DUSP16: variants seen among roughly 807,000 people sequenced by gnomAD.
The protein encoded by DUSP16 is dual specificity phosphatase 16, also known as dual specificity protein phosphatase 16.
DUSP16 carries 21 observed loss-of-function variants against 58.3 expected under a neutral mutation model. The observed-to-expected ratio is 0.36, with a 90% CI of 0.26 to 0.52. DUSP16 has a LOEUF of 0.52. Among genes scored for constraint, DUSP16 ranks in the 20% least tolerant of loss-of-function variants. The pLI, the probability that DUSP16 is intolerant of heterozygous loss-of-function variation, is 0.94. For synonymous variants in DUSP16, 320 were observed against 323.8 expected (o/e 0.99, Z 0.12); for missense variants, 726 against 819.0 (o/e 0.89, Z 1.39).
intron 3 of DUSP16, among the ~76,000 whole-genome samples, chr12:12,501,818 C>T (rs1252413600): frequency 1.3e-5 from 2 of 151,976 alleles, no homozygotes; most frequent in South Asian, 2.1e-4. Context: ...ATGGTGAAAC[C>T]GTCTCTACTA....
chr12:12,534,952 C>A (rs1944444499), intron 1 of DUSP16, among the ~76,000 whole-genome samples: 1 of 152,208 alleles, frequency 6.6e-6, no homozygotes, highest in South Asian at 2.1e-4. Flanking sequence ...GTTCCAGATA[C>A]TAAGTCAGAC....
At chr12:12,557,942 T>C (rs912569867) in intron 1 of DUSP16, among the ~76,000 whole-genome samples, 3 of 152,282 alleles carry the variant, frequency 2.0e-5, no homozygotes, top group African/African-American at 4.8e-5. Flanking sequence ...TCCATACACA[T>C]GTTAACCAAT....
chr12:12,547,808 T>C (rs930927327), intron 1 of DUSP16, among the ~76,000 whole-genome samples: 2 of 152,190 alleles, frequency 1.3e-5, no homozygotes, highest in Admixed American at 6.6e-5. Flanking sequence ...GTGTAGAAGT[T>C]AGATAATACT....
At chr12:12,498,336 C>T (rs1399258195) in intron 4 of DUSP16, among the ~76,000 whole-genome samples, 5 of 152,026 alleles carry the variant, frequency 3.3e-5, no homozygotes, top group Admixed American at 2.0e-4. Context: ...TCTCCTTCAA[C>T]GCTAAGGTTT....
intron 4 of DUSP16, among the ~76,000 whole-genome samples, chr12:12,489,393 A>C (rs554831388): frequency 6.6e-6 from 1 of 152,326 alleles, no homozygotes; most frequent in East Asian, 1.9e-4. Context: ...TATCTGATCA[A>C]CAACAGGGTG....
At chr12:12,497,804 T>C (rs1204862149) in intron 4 of DUSP16, among the ~76,000 whole-genome samples, 1 of 152,028 alleles carries the variant, frequency 6.6e-6, no homozygotes, top group Non-Finnish European at 1.5e-5. Flanking sequence ...ACCCCGTCTA[T>C]ATTAAAAATA....
At chr12:12,538,585 C>T (rs984732201) in intron 1 of DUSP16, among the ~76,000 whole-genome samples, 20 of 152,182 alleles carry the variant, frequency 1.3e-4, no homozygotes, top group Non-Finnish European at 1.9e-4. Flanking sequence ...AAACACAGAA[C>T]GCAAAATATT....
chr12:12,551,883 G>A (rs111289903), intron 1 of DUSP16, among the ~76,000 whole-genome samples: 2,265 of 151,982 alleles, frequency 0.015, 61 homozygotes, highest in African/African-American at 0.051. Flanking sequence ...TAGTAGAGAC[G>A]GGGTTTCACC....
chr12:12,480,415 T>C, intron 5 of DUSP16, 69 bp from the exon 6 acceptor site: 1 of 1,567,408 alleles, frequency 6.4e-7, no homozygotes, highest in Non-Finnish European at 8.7e-7. Flanking sequence ...TTGTTTCCAT[T>C]TACTTACTCA....
At chr12:12,521,724 C>T (rs909550127) in intron 1 of DUSP16, among the ~76,000 whole-genome samples, 1 of 152,094 alleles carries the variant, frequency 6.6e-6, no homozygotes, top group East Asian at 1.9e-4. Context: ...ATTATAATCA[C>T]CTAGGGCTCA....
intron 1 of DUSP16, among the ~76,000 whole-genome samples, chr12:12,534,313 T>C (rs1944434603): frequency 6.6e-6 from 1 of 152,190 alleles, no homozygotes; most frequent in Admixed American, 6.5e-5. Flanking sequence ...AAGTTAATGA[T>C]ATCAGGAAGC....
rs1944232413 is a variant in DUSP16, at chr12:12,521,269, G to C, written c.-171C>G. ...CATTTTCAGCAAGAGCCCTCCAAGT[G>C]AATGTCTCTTTCTCTTTCCCGTTGA... On this transcript the variant is annotated 5_prime_UTR_variant, in exon 2 of 7. Transcript: ENST00000298573. 6.9e-7 allele frequency: 1 copy of C among 1,443,196 alleles called. No individual in the cohort carries two copies. The allele number at this position is 1,443,196 out of a possible 1,614,324, so 89.4% of individuals were successfully genotyped here.
At chr12:12,561,459 ACG>A (rs1247337756) in intron 1 of DUSP16, among the ~76,000 whole-genome samples, 2 of 152,234 alleles carry the variant, frequency 1.3e-5, no homozygotes, top group Non-Finnish European at 2.9e-5. Flanking sequence ...ATGAAACTAC[ACG>A]TGATACACAG....
At chr12:12,547,557 A>AT in intron 1 of DUSP16, among the ~76,000 whole-genome samples, 1 of 131,204 alleles carries the variant, frequency 7.6e-6, no homozygotes, top group East Asian at 2.1e-4. Flanking sequence ...AAAAAAAAAA[A>AT]GCAAAACATA....
chr12:12,490,370 A>G (rs1398234156), intron 4 of DUSP16, among the ~76,000 whole-genome samples: 2 of 152,152 alleles, frequency 1.3e-5, no homozygotes, highest in Non-Finnish European at 2.9e-5. Context: ...ATGGGACTTG[A>G]TAAATAAAAC....
At chr12:12,544,267 T>C (rs1443523464) in intron 1 of DUSP16, among the ~76,000 whole-genome samples, 1 of 152,234 alleles carries the variant, frequency 6.6e-6, no homozygotes, top group East Asian at 1.9e-4. Flanking sequence ...ATTATGTTCA[T>C]ATCTATGTTG....
intron 6 of DUSP16, 26 bp from the exon 7 acceptor site, chr12:12,478,041 C>CA (rs761063685): frequency 6.6e-7 from 1 of 1,518,044 alleles, no homozygotes; most frequent in South Asian, 1.3e-5. Context: ...AAAACAAAAA[C>CA]CCGAATTTTA....
chr12:12,556,500 AG>A (rs750381955), intron 1 of DUSP16, among the ~76,000 whole-genome samples: 2 of 152,120 alleles, frequency 1.3e-5, no homozygotes, highest in African/African-American at 2.4e-5. Context: ...GCTTGAGCCC[AG>A]GAGTTTGAGA....
At chr12:12,543,236 C>G (rs1213175587) in intron 1 of DUSP16, among the ~76,000 whole-genome samples, 1 of 152,162 alleles carries the variant, frequency 6.6e-6, no homozygotes, top group Non-Finnish European at 1.5e-5. Flanking sequence ...GTCAGGTTTA[C>G]TGGGGTTGAC....
Sources: allele counts gnomAD v4.1 joint callset (sites outside exome capture counted in the v4.1 genomes callset), GRCh38; gene constraint gnomAD v4.1.1; transcripts MANE v1.5; gene names NCBI Gene and HGNC (gene_info 2026-07-23, HGNC 2026-07-21).